Variants in RALYL observed in about 807,000 individuals in gnomAD.
RALYL encodes the protein RALY RNA binding protein like, also known as RNA-binding Raly-like protein.
RALYL carries 29 observed loss-of-function variants against 35.1 expected under a neutral mutation model. That is an observed-to-expected ratio of 0.83 (90% confidence interval 0.61 to 1.13). The LOEUF (loss-of-function observed/expected upper bound fraction) is 1.13. Ranked by LOEUF, RALYL falls within the 50% of genes most tolerant of loss-of-function variation. The pLI, the probability that RALYL is intolerant of heterozygous loss-of-function variation, is 0.00. For synonymous variants in RALYL, 120 were observed against 127.6 expected, an observed-to-expected ratio of 0.94 and a Z score of 0.40; for missense variants, 359 against 360.4, an observed-to-expected ratio of 1.00 and a Z score of 0.03.
At chr8:84,687,710 C>T (rs926482040) in intron 2 of RALYL, among the ~76,000 whole-genome samples, 4 of 152,072 alleles carry the variant, frequency 2.6e-5, no homozygotes, top group African/African-American at 7.2e-5. Flanking sequence ...AAGTACTCTA[C>T]AGAAGTTTTC....
Position 84,529,272 on chromosome 8 carries a change from TTTTG to T in RALYL, c.-23-7_-23-4del, listed in dbSNP as rs747694999. The stretch of plus-strand genomic sequence containing the variant: ...TAATGATTTACCTTTTGATTATTTG[TTTTG>T]TTTGTTTGTTTGTTTGTTTAAGGAT... On this transcript the variant is annotated intron_variant, in intron 1 of 8. Transcript: ENST00000521268. The T allele has an allele frequency of 4.4e-4, 680 of 1,544,438 alleles. 4 individuals carry two copies. Among genetic ancestry groups the T allele is most frequent in the Non-Finnish European group, 5.0e-4 (567 of 1,141,478 alleles).
At chr8:84,218,962 C>T (rs1821516080) in intron 1 of RALYL, among the ~76,000 whole-genome samples, 1 of 152,114 alleles carries the variant, frequency 6.6e-6, no homozygotes, top group East Asian at 1.9e-4. Flanking sequence ...TAACTTCCCA[C>T]ATCTGAATCA....
chr8:84,858,057 C>G (rs187630802), intron 5 of RALYL, among the ~76,000 whole-genome samples: 1 of 151,830 alleles, frequency 6.6e-6, no homozygotes, highest in African/African-American at 2.4e-5. Context: ...CTTATTCTTC[C>G]TAGAGAAAAG....
chr8:84,196,165 T>G (rs1212598593), intron 1 of RALYL, among the ~76,000 whole-genome samples: 1 of 152,230 alleles, frequency 6.6e-6, no homozygotes, highest in Admixed American at 6.5e-5. Flanking sequence ...TGTTTTATTC[T>G]GAACCCATTT....
At chr8:84,280,436 T>A (rs1280347638) in intron 1 of RALYL, among the ~76,000 whole-genome samples, 1 of 152,122 alleles carries the variant, frequency 6.6e-6, no homozygotes, top group Non-Finnish European at 1.5e-5. Flanking sequence ...CTAAAACGAC[T>A]AAATAAACAG....
intron 1 of RALYL, among the ~76,000 whole-genome samples, chr8:84,508,681 A>T (rs1475232266): frequency 6.6e-6 from 1 of 151,914 alleles, no homozygotes; most frequent in Non-Finnish European, 1.5e-5. Flanking sequence ...AAAAAGATGA[A>T]TTTTTCCAAG....
At chr8:84,364,985 A>G in intron 1 of RALYL, among the ~76,000 whole-genome samples, 1 of 152,142 alleles carries the variant, frequency 6.6e-6, no homozygotes, top group East Asian at 1.9e-4. Context: ...CCTTCCATGC[A>G]TTTTGTTGCA....
At chr8:84,216,379 T>A (rs1462477226) in intron 1 of RALYL, among the ~76,000 whole-genome samples, 1 of 148,152 alleles carries the variant, frequency 6.7e-6, no homozygotes, top group East Asian at 1.9e-4. Context: ...AGATGTAACA[T>A]TTTTAATAGG....
chr8:84,292,621 A>G (rs1838978373), intron 1 of RALYL, among the ~76,000 whole-genome samples: 1 of 152,086 alleles, frequency 6.6e-6, no homozygotes, highest in Non-Finnish European at 1.5e-5. Flanking sequence ...GCCAAAACCC[A>G]CCAAAACCAA....
intron 2 of RALYL, among the ~76,000 whole-genome samples, chr8:84,572,080 C>A (rs954064863): frequency 5.3e-5 from 8 of 151,624 alleles, no homozygotes; most frequent in African/African-American, 7.3e-5. Context: ...CTTTGTTGGG[C>A]AGAATATTCT....
intron 1 of RALYL, among the ~76,000 whole-genome samples, chr8:84,330,360 A>T (rs1307011941): frequency 6.6e-6 from 1 of 152,004 alleles, no homozygotes; most frequent in Non-Finnish European, 1.5e-5. Flanking sequence ...TTACAAACTT[A>T]TTTTAGTAAT....
At chr8:84,919,000 G>A (rs1273169394) in intron 8 of RALYL, among the ~76,000 whole-genome samples, 1 of 151,982 alleles carries the variant, frequency 6.6e-6, no homozygotes, top group Non-Finnish European at 1.5e-5. Context: ...AAAATCTACA[G>A]GTTGTTTTTT....
chr8:84,856,100 G>T (rs1192162912), intron 5 of RALYL, among the ~76,000 whole-genome samples: 1 of 152,176 alleles, frequency 6.6e-6, no homozygotes, highest in African/African-American at 2.4e-5. Context: ...TGGTAGTATG[G>T]TATTCCATTT....
chr8:84,482,145 A>G (rs1255734342), intron 1 of RALYL, among the ~76,000 whole-genome samples: 1 of 152,096 alleles, frequency 6.6e-6, no homozygotes, highest in Non-Finnish European at 1.5e-5. Flanking sequence ...ACTTAACAAA[A>G]CCAGAAATTT....
intron 2 of RALYL, among the ~76,000 whole-genome samples, chr8:84,753,373 G>A (rs1350363982): frequency 1.3e-5 from 2 of 152,144 alleles, no homozygotes; most frequent in Admixed American, 6.5e-5. Flanking sequence ...TTGGACCTTG[G>A]ACTTTTGAGT....
chr8:84,615,570 CTT>C (rs60428128), intron 2 of RALYL, among the ~76,000 whole-genome samples: 8 of 67,362 alleles, frequency 1.2e-4, no homozygotes, highest in African/African-American at 2.6e-4. Flanking sequence ...GAACTTTCGT[CTT>C]TTTTTTTTTT....
chr8:84,746,643 A>G (rs962793961), intron 2 of RALYL, among the ~76,000 whole-genome samples: 4 of 152,044 alleles, frequency 2.6e-5, no homozygotes, highest in African/African-American at 9.7e-5. Flanking sequence ...TATTTATTTC[A>G]TAATAAGAAA....
intron 1 of RALYL, among the ~76,000 whole-genome samples, chr8:84,454,323 GGGCA>G (rs764795992): frequency 0.043 from 6,531 of 151,974 alleles, 166 homozygotes; most frequent in Middle Eastern, 0.078. Context: ...TGAGGAGGTA[GGGCA>G]AACCTTTTTT....
chr8:84,444,543 G>A (rs182266367), intron 1 of RALYL, among the ~76,000 whole-genome samples: 1 of 151,938 alleles, frequency 6.6e-6, no homozygotes, highest in Non-Finnish European at 1.5e-5. Flanking sequence ...AGGTATGCAC[G>A]CTAGATACAT....
Sources: allele counts gnomAD v4.1 joint callset (sites outside exome capture counted in the v4.1 genomes callset), GRCh38; gene constraint gnomAD v4.1.1; transcripts MANE v1.5; gene names NCBI Gene and HGNC (gene_info 2026-07-23, HGNC 2026-07-21).